The following AOX1 variants were observed in gnomAD, a reference collection of about 807,000 sequenced individuals.
AOX1 encodes aldehyde oxidase 1, also known as aldehyde oxidase.
Under a neutral mutation model 169.5 loss-of-function variants are expected in AOX1, and 153 were observed. That is an observed-to-expected ratio of 0.90 (90% CI 0.79 to 1.03). The LOEUF (loss-of-function observed/expected upper bound fraction) is 1.03. Ranked by LOEUF, AOX1 falls within the 50% of genes least tolerant of loss-of-function variation. AOX1 has a pLI of 0.00. For missense variants in AOX1, 1,656 were observed against 1,663.9 expected, an observed-to-expected ratio of 1.00 and a Z score of 0.08; for synonymous variants, 562 against 581.9, an observed-to-expected ratio of 0.97 and a Z score of 0.49.
Position 200,666,676 on chromosome 2 carries a change from T to G in AOX1, c.3544-11T>G. The G allele has an allele frequency of 6.3e-7, 1 of 1,587,952 alleles. No homozygotes were observed. The highest frequency in any genetic ancestry group is 1.4e-5 in the African/African-American group (1 of 73,830). On this transcript the variant is annotated splice_polypyrimidine_tract_variant and intron_variant, in intron 31 of 34. Transcript: ENST00000374700. Reference sequence around the variant, plus strand: ...ATTAAAATAAACATTTTAACTTTTTTTTAATACTAGAACATCAGAACAGAC... The same window carrying G: ...ATTAAAATAAACATTTTAACTTTTTGTTAATACTAGAACATCAGAACAGAC...
At chr2:200,668,876 C>T in intron 33 of AOX1, 73 bp downstream of exon 33, 2 of 1,301,194 alleles carry the variant, frequency 1.5e-6, no homozygotes, top group South Asian at 1.4e-5. Context: ...CTACATTCCT[C>T]TCTTGGCTGT....
intron 19 of AOX1, 137 bp from the exon 20 acceptor site, chr2:200,627,216 G>T: frequency 1.6e-6 from 1 of 643,608 alleles, no homozygotes; most frequent in Non-Finnish European, 2.8e-6. Context: ...GCTCACCAGG[G>T]TCATGGTGAA....
chr2:200,617,325 G>A (rs55758454), intron 16 of AOX1, among the ~76,000 whole-genome samples: 20,870 of 151,936 alleles, frequency 0.14, 1,504 homozygotes, highest in Non-Finnish European at 0.15. Flanking sequence ...CCCTAAATCA[G>A]TTCATTTGCT....
At position 200,586,083 on chromosome 2, in the gene AOX1, G is replaced by A. The variant is rs780364062; in HGVS notation, c.-26G>A. ...CCAGAACCTCCGCCTCCCGCTCCGG[G>A]CCCTCGAACCAGCGCGGACACCACA... On this transcript the variant is annotated 5_prime_UTR_variant, in exon 1 of 35. Coordinates refer to ENST00000374700, the MANE Select transcript of AOX1 (RefSeq NM_001159.4). The A allele has an allele frequency of 5.8e-6, 9 of 1,550,534 alleles. No individual in the cohort carries two copies. The South Asian group carries it at 1.1e-4, about 18-fold the overall frequency.
At chr2:200,634,676 C>T in intron 20 of AOX1, 115 bp from the exon 21 acceptor site, 1 of 1,267,960 alleles carries the variant, frequency 7.9e-7, no homozygotes, top group Non-Finnish European at 1.1e-6. Context: ...TTATACTTCA[C>T]TGTGCCCAGC....
Position 200,628,925 on chromosome 2 carries a change from T to TCAAA in AOX1, c.2221+1501_2221+1504dup, listed in dbSNP as rs201174501. Among the ~76,000 whole-genome samples, 1,186 of 151,982 alleles carry TCAAA rather than the reference T, an allele frequency of 7.8e-3. 6 individuals are homozygous for TCAAA. The highest frequency in any genetic ancestry group is 0.013 in the East Asian group (69 of 5,162). ...CTGGGTGACAGAAGGAGACTCCATC[T>TCAAA]CAAACAAACAAACAAACAAACAAAC... On this transcript the variant is annotated intron_variant, in intron 20 of 34. Coordinates refer to ENST00000374700, the MANE Select transcript of AOX1 (RefSeq NM_001159.4).
intron 15 of AOX1, 71 bp from the exon 16 acceptor site, chr2:200,615,900 T>C: frequency 2.6e-6 from 3 of 1,137,250 alleles, no homozygotes; most frequent in Non-Finnish European, 4.0e-6. Flanking sequence ...AGACTCATGC[T>C]AGCCTCACTT....
intron 12 of AOX1, 27 bp from the exon 13 acceptor site, chr2:200,611,357 C>A: frequency 1.3e-6 from 2 of 1,501,902 alleles, no homozygotes; most frequent in Non-Finnish European, 1.9e-6. Context: ...AAACAGATCC[C>A]AGGGAAAGTG....
chr2:200,596,358 T>TA (rs575475258), intron 3 of AOX1, among the ~76,000 whole-genome samples: 67 of 152,360 alleles, frequency 4.4e-4, no homozygotes, highest in African/African-American at 1.6e-3. Context: ...CTTTAGCCTC[T>TA]AGGGAGTGGC....
chr2:200,592,307 A>G (rs1466551050), intron 1 of AOX1, among the ~76,000 whole-genome samples: 1 of 152,238 alleles, frequency 6.6e-6, no homozygotes, highest in Non-Finnish European at 1.5e-5. Flanking sequence ...CAGCCCTAGA[A>G]TAAGCATATG....
At chr2:200,591,384 A>G (rs554141987) in intron 1 of AOX1, among the ~76,000 whole-genome samples, 2 of 152,328 alleles carry the variant, frequency 1.3e-5, no homozygotes, top group Non-Finnish European at 2.9e-5. Context: ...CTCCATAGAG[A>G]ACACTTGAGC....
downstream of AOX1, among the ~76,000 whole-genome samples, chr2:200,673,403 GA>G (rs2036054024): frequency 1.3e-5 from 2 of 152,188 alleles, no homozygotes; most frequent in Admixed American, 6.5e-5. Context: ...GAAATGATCT[GA>G]GGTGCTCTGT....
chr2:200,613,662 C>T lies in AOX1; in HGVS notation c.1449-142C>T. 8.0e-6 allele frequency: 6 copies of T among 747,538 alleles called. No homozygotes were observed. In the South Asian group the frequency reaches 1.7e-4, roughly 21 times the overall value. The allele number at this position is 747,538 out of a possible 1,614,324, so 46.3% of individuals were successfully genotyped here. On this transcript the variant is annotated intron_variant, in intron 14 of 34. Coordinates refer to ENST00000374700, the MANE Select transcript of AOX1 (RefSeq NM_001159.4). ...GGCTAGCCACCTTGAGAATGGTGGG[C>T]CAATTTGAACTCGGGCTGCCTGATC...
chr2:200,659,784 T>A (rs13034124), intron 28 of AOX1, among the ~76,000 whole-genome samples: 2,998 of 79,580 alleles, frequency 0.038, 39 homozygotes, highest in East Asian at 0.18. Context: ...CAGTTCTCTC[T>A]CTCACACACA....
intron 20 of AOX1, among the ~76,000 whole-genome samples, chr2:200,629,878 T>A (rs146950737): frequency 6.6e-6 from 1 of 152,310 alleles, no homozygotes; most frequent in East Asian, 1.9e-4. Context: ...ACTTGAATTT[T>A]TGTTATTGCT....
chr2:200,609,705 AACTACAT>A (rs902011799), intron 12 of AOX1, among the ~76,000 whole-genome samples: 2 of 152,086 alleles, frequency 1.3e-5, no homozygotes, highest in African/African-American at 4.8e-5. Flanking sequence ...TATTGCTGGG[AACTACAT>A]ACTATTGAGA....
At chr2:200,668,405 G>A (rs914897399) in intron 32 of AOX1, among the ~76,000 whole-genome samples, 9 of 152,026 alleles carry the variant, frequency 5.9e-5, no homozygotes, top group Admixed American at 1.3e-4. Flanking sequence ...CACCACGCCC[G>A]GCTGACTTTG....
chr2:200,647,429 C>G (rs4456685), intron 25 of AOX1, among the ~76,000 whole-genome samples: 9,019 of 152,264 alleles, frequency 0.059, 460 homozygotes, highest in East Asian at 0.25. Flanking sequence ...TCCTTTCTAG[C>G]TTGTAGGGTT....
chr2:200,597,237 A>G (rs1029356470), intron 3 of AOX1, among the ~76,000 whole-genome samples, 160 bp from the exon 4 acceptor site: 3 of 152,232 alleles, frequency 2.0e-5, no homozygotes, highest in Non-Finnish European at 4.4e-5. Flanking sequence ...CCACTTCTCT[A>G]AAATGGGCCT....
Sources: gnomAD v4.1 joint callset for allele counts (sites outside exome capture counted in the v4.1 genomes callset) on GRCh38, gnomAD v4.1.1 for gene constraint, MANE v1.5 for transcripts, NCBI Gene and HGNC (gene_info 2026-07-23, HGNC 2026-07-21) for gene names.